Variants in ZNF236 observed in about 807,000 individuals in gnomAD.
ZNF236 encodes zinc finger protein 236.
Under a neutral mutation model 191.2 loss-of-function variants are expected in ZNF236, and 50 were observed. The observed-to-expected ratio is 0.26, with a 90% CI of 0.21 to 0.33. ZNF236 has a LOEUF of 0.33. Ranked by LOEUF, ZNF236 falls within the 10% of genes least tolerant of loss-of-function variation. The pLI, the probability that ZNF236 is intolerant of heterozygous loss-of-function variation, is 1.00. For missense variants in ZNF236, 1,754 were observed against 2,374.5 expected, an observed-to-expected ratio of 0.74 and a Z score of 5.43; for synonymous variants, 907 against 928.8, an observed-to-expected ratio of 0.98 and a Z score of 0.43.
intron 10 of ZNF236, among the ~76,000 whole-genome samples, chr18:76,895,918 A>G (rs1977391992): frequency 1.4e-5 from 2 of 147,338 alleles, no homozygotes; most frequent in East Asian, 4.0e-4. Flanking sequence ...GAAACTGCAC[A>G]CAAGTATCAA....
chr18:76,961,376 T>G (rs1968663578), intron 30 of ZNF236, among the ~76,000 whole-genome samples: 1 of 106,720 alleles, frequency 9.4e-6, no homozygotes, highest in Non-Finnish European at 1.8e-5. Context: ...ATTGTGTGTG[T>G]GTGTGTGTGT....
At chr18:76,942,015 A>G (rs1968144476) in intron 26 of ZNF236, among the ~76,000 whole-genome samples, 1 of 152,244 alleles carries the variant, frequency 6.6e-6, no homozygotes, top group African/African-American at 2.4e-5. Flanking sequence ...TCAAGAGATT[A>G]ATGAACCTAC....
chr18:76,880,049 T>TA lies in ZNF236; in HGVS notation c.985-62dup, dbSNP rs397802243. The TA allele has an allele frequency of 1.1e-5, 17 of 1,491,622 alleles. No individual in the cohort carries two copies. The highest frequency in any genetic ancestry group is 1.8e-4 in the Middle Eastern group (1 of 5,604). The allele number at this position is 1,491,622 out of a possible 1,614,324, so 92.4% of individuals were successfully genotyped here. A position where few individuals can be genotyped will look rare whatever the true frequency, so the allele number is the denominator to read the frequency against. On this transcript the variant is annotated intron_variant, in intron 7 of 30. Transcript: ENST00000320610. The surrounding 1 kb of genome is among the most constrained non-coding windows in gnomAD (Gnocchi z 5.0). ...AGGGTATTGCCTGTTTTTTTTTTTT[T>TA]AATTTTCCTTTTTAAATTGAAGAGC...
chr18:76,954,796 A>G (rs1025168674), intron 27 of ZNF236, among the ~76,000 whole-genome samples: 5 of 152,234 alleles, frequency 3.3e-5, no homozygotes, highest in Admixed American at 6.5e-5. Flanking sequence ...CACAGGTGTC[A>G]TATTCTAGAA....
chr18:76,862,250 C>A (rs1409089700), intron 3 of ZNF236, among the ~76,000 whole-genome samples: 1 of 152,194 alleles, frequency 6.6e-6, no homozygotes, highest in Non-Finnish European at 1.5e-5. Flanking sequence ...GAAAAACACT[C>A]CAAGAAAAGC....
intron 26 of ZNF236, among the ~76,000 whole-genome samples, chr18:76,946,131 T>C (rs980739782): frequency 6.6e-6 from 1 of 152,188 alleles, no homozygotes; most frequent in Non-Finnish European, 1.5e-5. Context: ...TTCCCATGTG[T>C]TGTGGGAGAA....
intron 26 of ZNF236, among the ~76,000 whole-genome samples, chr18:76,946,606 T>G (rs1242725357): frequency 2.6e-5 from 4 of 152,224 alleles, no homozygotes; most frequent in South Asian, 2.1e-4. Context: ...CAGTGCTGAT[T>G]ACAGCAGTTC....
intron 1 of ZNF236, among the ~76,000 whole-genome samples, chr18:76,828,382 G>A (rs1056855504): frequency 1.3e-5 from 2 of 152,090 alleles, no homozygotes; most frequent in Admixed American, 1.3e-4. Context: ...TGGCCAGGCT[G>A]TTCTTGAACT....
At chr18:76,863,603 T>G (rs1328301256) in intron 3 of ZNF236, among the ~76,000 whole-genome samples, 1 of 152,064 alleles carries the variant, frequency 6.6e-6, no homozygotes, top group East Asian at 1.9e-4. Context: ...TTTTTTTTTT[T>G]TTAAATTAGA....
At chr18:76,840,592 A>C (rs1207897764) in intron 1 of ZNF236, among the ~76,000 whole-genome samples, 2 of 150,804 alleles carry the variant, frequency 1.3e-5, no homozygotes, top group Non-Finnish European at 3.0e-5. Flanking sequence ...TGACAAAATT[A>C]GCATTGAAAG....
At chr18:76,894,921 C>A in intron 9 of ZNF236, 92 bp from the exon 10 acceptor site, 1 of 1,507,376 alleles carries the variant, frequency 6.6e-7, no homozygotes. Context: ...ACTGATCATG[C>A]GTGCAGCTTT....
rs1337181844 is a variant in ZNF236, at chr18:76,892,054, TA to T, written c.1418-2956del. 3.5e-4 allele frequency among the ~76,000 whole-genome samples: 53 copies of T among 151,886 alleles called. 1 individual carries two copies. Among genetic ancestry groups the T allele is most frequent in the Non-Finnish European group, 1.5e-4 (10 of 67,966 alleles). ...TGGTATTTGTATACAGATGATAAATTAAACCAGGGAGAATTGATGTCTTTGT... is the reference window on the plus strand; with the variant it reads ...TGGTATTTGTATACAGATGATAAATTAACCAGGGAGAATTGATGTCTTTGT... On this transcript the variant is annotated intron_variant, in intron 9 of 30. Transcript: ENST00000320610.
chr18:76,867,995 C>T (rs942931684), intron 3 of ZNF236, among the ~76,000 whole-genome samples: 2 of 151,818 alleles, frequency 1.3e-5, no homozygotes, highest in African/African-American at 2.4e-5. Flanking sequence ...AAAAAAAACC[C>T]AAACAGGTGA....
chr18:76,907,407 G>A (rs994926767), intron 13 of ZNF236, among the ~76,000 whole-genome samples: 3 of 152,180 alleles, frequency 2.0e-5, no homozygotes, highest in African/African-American at 7.2e-5. Context: ...AGGCTGGAGT[G>A]CCGTGGTGCA....
intron 4 of ZNF236, among the ~76,000 whole-genome samples, chr18:76,869,542 T>A (rs78057138): frequency 0.016 from 2,416 of 152,340 alleles, 30 homozygotes; most frequent in Middle Eastern, 0.02. Context: ...ATATTTTTAC[T>A]GATGTTTCTG....
intron 27 of ZNF236, among the ~76,000 whole-genome samples, chr18:76,948,798 G>A (rs1968333872): frequency 1.3e-5 from 2 of 152,182 alleles, no homozygotes; most frequent in Non-Finnish European, 2.9e-5. Context: ...GCTTAGCTAT[G>A]CGGTCTCCAG....
chr18:76,831,069 G>T (rs1975156499), intron 1 of ZNF236, among the ~76,000 whole-genome samples: 3 of 152,164 alleles, frequency 2.0e-5, no homozygotes, highest in Admixed American at 2.0e-4. Flanking sequence ...TTTAGCCAAT[G>T]TTGATACATT....
chr18:76,890,956 T>C (rs1977212333), intron 9 of ZNF236, among the ~76,000 whole-genome samples: 1 of 152,194 alleles, frequency 6.6e-6, no homozygotes, highest in Non-Finnish European at 1.5e-5. Context: ...ACTTAATGAA[T>C]AGGAGATATA....
intron 27 of ZNF236, among the ~76,000 whole-genome samples, chr18:76,951,576 A>G (rs9947175): frequency 0.048 from 7,296 of 152,300 alleles, 309 homozygotes; most frequent in African/African-American, 0.11. Flanking sequence ...TTAAGCGAGG[A>G]TTGTGGCTGT....
Sources: gnomAD v4.1 joint callset for allele counts (sites outside exome capture counted in the v4.1 genomes callset) on GRCh38, gnomAD v4.1.1 for gene constraint, Gnocchi (gnomAD v3.1) non-coding constraint, MANE v1.5 for transcripts, NCBI Gene and HGNC (gene_info 2026-07-23, HGNC 2026-07-21) for gene names.